The following CNGB1 variants were observed in gnomAD, a reference collection of about 807,000 sequenced individuals.
CNGB1 encodes cyclic nucleotide-gated channel beta-1.
CNGB1 carries 126 observed loss-of-function variants against 151.7 expected under a neutral mutation model. That is an observed-to-expected ratio of 0.83 (90% confidence interval 0.72 to 0.96). The LOEUF (loss-of-function observed/expected upper bound fraction) is 0.96. CNGB1 is among the 40% of genes least tolerant of loss of function. The pLI, the probability that CNGB1 is intolerant of heterozygous loss-of-function variation, is 0.00. For missense variants in CNGB1, 1,698 were observed against 1,627.0 expected, an observed-to-expected ratio of 1.04 and a Z score of -0.75; for synonymous variants, 623 against 635.1, an observed-to-expected ratio of 0.98 and a Z score of 0.29.
intron 14 of CNGB1, among the ~76,000 whole-genome samples, chr16:57,947,230 C>T (rs1961832401): frequency 6.6e-6 from 1 of 152,324 alleles, no homozygotes; most frequent in South Asian, 2.1e-4. Context: ...TCTGCACATG[C>T]ATGTATGTGA....
At position 57,936,610 on chromosome 16, in the gene CNGB1, T is replaced by G. The variant is rs148818151; in HGVS notation, c.1372+2820A>C. 3.4e-4 allele frequency among the ~76,000 whole-genome samples: 51 copies of G among 152,078 alleles called. No homozygotes were observed. In the East Asian group the frequency reaches 8.1e-3, roughly 24 times the overall value. ...GAGTTTGAGACCAGCCTGGCCAACA[T>G]AGCAAAACCCCGTCTCTACTAAAAT... On this transcript the variant is annotated intron_variant, in intron 16 of 32. Coordinates refer to ENST00000251102, the MANE Select transcript of CNGB1 (RefSeq NM_001297.5).
At chr16:57,956,370 TCTC>T (rs1179894389) in intron 12 of CNGB1, among the ~76,000 whole-genome samples, 2 of 151,988 alleles carry the variant, frequency 1.3e-5, no homozygotes, top group Non-Finnish European at 1.5e-5. Flanking sequence ...ACAGGCCAGC[TCTC>T]CTCCTCCTCA....
chr16:57,908,299 C>A (rs562679985), intron 25 of CNGB1, among the ~76,000 whole-genome samples: 1 of 152,242 alleles, frequency 6.6e-6, no homozygotes, highest in Admixed American at 6.5e-5. Context: ...TGGGAGGGGA[C>A]GTTCTGAACA....
At chr16:57,968,517 T>C (rs938105137) in intron 1 of CNGB1, among the ~76,000 whole-genome samples, 2 of 151,928 alleles carry the variant, frequency 1.3e-5, no homozygotes, top group African/African-American at 4.8e-5. Context: ...ATAATAATAA[T>C]AAATGTAACA....
In CNGB1 at chr16:57,915,229, G is replaced by A. The variant is rs1252613823; in HGVS notation, c.2304+20C>T. ...CAGGGATGAGCTGAAGGCCTGGGGT[G>A]GTGGGCCCAGCAGTCCTACCTTTAA... On this transcript the variant is annotated intron_variant, in intron 23 of 32. Coordinates refer to ENST00000251102, the MANE Select transcript of CNGB1 (RefSeq NM_001297.5). 6.2e-7 allele frequency: 1 copy of A among 1,602,270 alleles called. No homozygotes were observed. Among genetic ancestry groups the A allele is most frequent in the Non-Finnish European group, 8.5e-7 (1 of 1,170,334 alleles).
chr16:57,957,211 C>T, intron 12 of CNGB1, 130 bp downstream of exon 12: 1 of 750,320 alleles, frequency 1.3e-6, no homozygotes, highest in Non-Finnish European at 2.2e-6. Context: ...GCCCAGGAGA[C>T]CCTAACTGCC....
At chr16:57,897,166 G>A (rs530100297) in intron 31 of CNGB1, among the ~76,000 whole-genome samples, 40 of 152,040 alleles carry the variant, frequency 2.6e-4, no homozygotes, top group African/African-American at 7.7e-4. Context: ...GCTGGGAATG[G>A]TGGTACGTGC....
rs548269660 is a variant in CNGB1 at position 57,962,487 on chromosome 16, C to G, written c.458+78G>C. The G allele has an allele frequency of 6.6e-5, 87 of 1,325,498 alleles. No individual in the cohort carries two copies. The East Asian group carries it at 1.9e-3, about 30-fold the overall frequency. The allele number at this position is 1,325,498 out of a possible 1,614,324, so 82.1% of individuals were successfully genotyped here. A position where few individuals can be genotyped will look rare whatever the true frequency, so the allele number is the denominator to read the frequency against. On this transcript the variant is annotated intron_variant, in intron 7 of 32. Transcript: ENST00000251102. ...GGTCACACCCTGAGGTGGTAACAGA[C>G]CCTGCTCCTGAAACCAAGGACCTGT... is the stretch of plus-strand genomic sequence containing the variant.
At chr16:57,966,905 T>C (rs1054691643) in intron 2 of CNGB1, among the ~76,000 whole-genome samples, 6 of 152,234 alleles carry the variant, frequency 3.9e-5, no homozygotes, top group African/African-American at 1.2e-4. Flanking sequence ...CTAAAATATT[T>C]ACTATCTATC....
At chr16:57,897,600 C>G (rs1218909276) in intron 30 of CNGB1, 57 bp from the exon 31 acceptor site, 7 of 1,611,422 alleles carry the variant, frequency 4.3e-6, no homozygotes, top group African/African-American at 1.3e-5. Context: ...CGGTCACATT[C>G]AGATCTTCAT....
chr16:57,896,181 T>C (rs1454260603), intron 31 of CNGB1, among the ~76,000 whole-genome samples: 2 of 152,228 alleles, frequency 1.3e-5, no homozygotes, highest in African/African-American at 2.4e-5. Flanking sequence ...TGAAGGTGAC[T>C]ACCCACTAAT....
intron 4 of CNGB1, chr16:57,963,786 T>C (rs1962321373): frequency 1.5e-5 from 5 of 328,198 alleles, no homozygotes; most frequent in Non-Finnish European, 2.9e-5. Context: ...TTTGGTCACA[T>C]TGCCCTGCCC....
At chr16:57,895,625 A>G (rs1419584344) in intron 31 of CNGB1, among the ~76,000 whole-genome samples, 3 of 151,536 alleles carry the variant, frequency 2.0e-5, no homozygotes, top group Admixed American at 6.6e-5. Flanking sequence ...TGTCTGCTGC[A>G]GAGGCCTAGT....
At position 57,958,441 on chromosome 16, in the gene CNGB1, T is replaced by C; in HGVS notation, c.806A>G (p.Gln269Arg). 6.2e-7 allele frequency: 1 copy of C among 1,606,472 alleles called. No homozygotes were observed. Among genetic ancestry groups the C allele is most frequent in the South Asian group, 1.1e-5 (1 of 90,886 alleles). The part of the protein sequence containing the change: ...VLHRLEMALP[Q>R]PVLHGKIGEQ... ...CCCTATTTTCCCATGTAGCACTGGC[T>C]GCGGCAAGGCCATCTCCAGCCTGTG... The change falls in exon 11 of 33, where the codon CAG becomes CGG. Residue 269 changes from glutamine to arginine, a missense_variant. Transcript: ENST00000251102.
intron 24 of CNGB1, among the ~76,000 whole-genome samples, chr16:57,912,563 C>T (rs1054057635): frequency 6.6e-6 from 1 of 151,172 alleles, no homozygotes; most frequent in Non-Finnish European, 1.5e-5. Flanking sequence ...TAGGTGCAAA[C>T]TTCCTGTGTT....
At chr16:57,963,956 G>A (rs542303953) in intron 4 of CNGB1, 174 bp downstream of exon 4, 304 of 611,258 alleles carry the variant, frequency 5.0e-4, no homozygotes, top group Middle Eastern at 4.8e-3. Flanking sequence ...GGGAGAGCCC[G>A]CCCTCCACCT....
chr16:57,916,096 G>T, intron 22 of CNGB1, 33 bp downstream of exon 22: 1 of 1,611,764 alleles, frequency 6.2e-7, no homozygotes, highest in Non-Finnish European at 8.5e-7. Context: ...CTGAAACCCC[G>T]CAGACGCTAA....
At chr16:57,905,123 T>C (rs1161496461) in intron 25 of CNGB1, among the ~76,000 whole-genome samples, 1 of 152,164 alleles carries the variant, frequency 6.6e-6, no homozygotes, top group Non-Finnish European at 1.5e-5. Context: ...TTTACAGATA[T>C]GGAAACTGAG....
intron 31 of CNGB1, among the ~76,000 whole-genome samples, chr16:57,894,042 C>T (rs1960161846): frequency 1.3e-5 from 2 of 152,164 alleles, no homozygotes; most frequent in African/African-American, 4.8e-5. Flanking sequence ...CAAAAACCGG[C>T]TTTTCTAAAA....
Sources: gnomAD v4.1 joint callset for allele counts (sites outside exome capture counted in the v4.1 genomes callset) on GRCh38, gnomAD v4.1.1 for gene constraint, MANE v1.5 for transcripts, NCBI Gene and HGNC (gene_info 2026-07-23, HGNC 2026-07-21) for gene names.